DAB1: variants seen among roughly 807,000 people sequenced by gnomAD.
DAB1 encodes the protein disabled homolog 1.
A neutral mutation model predicts 64.6 loss-of-function variants in DAB1; 15 were observed. That is an observed-to-expected ratio of 0.23 (90% CI 0.16 to 0.36). The LOEUF is 0.36. DAB1 is among the 10% of genes least tolerant of loss of function. The probability of loss-of-function intolerance (pLI) is 1.00; values close to 1 mark genes in which losing one functional copy is unlikely to be tolerated. For synonymous variants in DAB1, 235 were observed against 251.9 expected (o/e 0.93, Z 0.64); for missense variants, 596 against 706.7 (o/e 0.84, Z 1.78).
intron 5 of DAB1, among the ~76,000 whole-genome samples, chr1:57,900,112 C>G (rs571092360): frequency 6.6e-6 from 1 of 152,020 alleles, no homozygotes; most frequent in African/African-American, 2.4e-5. Context: ...GCCAAAAGTC[C>G]TGTTTTTCAG....
intron 14 of DAB1, among the ~76,000 whole-genome samples, chr1:56,999,437 C>A (rs868575992): frequency 2.0e-5 from 3 of 152,182 alleles, no homozygotes; most frequent in African/African-American, 7.2e-5. Context: ...CCCAATCTTT[C>A]CATCCATTGG....
At chr1:58,289,985 C>A (rs568355476) in intron 4 of DAB1, among the ~76,000 whole-genome samples, 1 of 152,232 alleles carries the variant, frequency 6.6e-6, no homozygotes, top group Non-Finnish European at 1.5e-5. Flanking sequence ...GGAAAGAGAG[C>A]CCTGGACTTG....
chr1:58,114,854 C>A (rs1349056696), intron 5 of DAB1, among the ~76,000 whole-genome samples: 1 of 152,190 alleles, frequency 6.6e-6, no homozygotes, highest in African/African-American at 2.4e-5. Context: ...TCATGGTTGG[C>A]ATCCACTGTG....
At position 57,854,680 on chromosome 1, in the gene DAB1, C is replaced by T. The variant is rs1653676971; in HGVS notation, n.88-28225G>A. ...GCAAGCTGGTGGTCTGGTTGCTTCT[C>T]AATCTCTAATATGCAGACTAAACTT... On this transcript the variant is annotated intron_variant and non_coding_transcript_variant, in intron 1 of 1. Transcript: ENST00000477280. Among the ~76,000 whole-genome samples the T allele has an allele frequency of 7.2e-5, 11 of 152,172 alleles. 1 individual carries two copies. The South Asian group carries it at 2.3e-3, about 32-fold the overall frequency.
intron 1 of DAB1, among the ~76,000 whole-genome samples, chr1:57,350,401 C>T (rs987532340): frequency 6.6e-6 from 1 of 152,138 alleles, no homozygotes; most frequent in Non-Finnish European, 1.5e-5. Flanking sequence ...ATTGACCACC[C>T]TAGTAGGTTC....
At chr1:56,999,109 T>C (rs919463220) in intron 14 of DAB1, among the ~76,000 whole-genome samples, 5 of 144,982 alleles carry the variant, frequency 3.4e-5, no homozygotes, top group Non-Finnish European at 5.9e-5. Context: ...CCTTGTCATA[T>C]AGGTTCTTAT....
rs538349531 is a variant in DAB1 at position 58,262,250 on chromosome 1, A to T, written n.309+81102T>A. Among the ~76,000 whole-genome samples the T allele has an allele frequency of 5.3e-5, 8 of 152,314 alleles. No homozygotes were observed. In the South Asian group the frequency reaches 1.7e-3, roughly 32 times the overall value. The stretch of plus-strand genomic sequence containing the variant: ...CCAGAGATGTCAGAGGAAAGACCTG[A>T]GAAGAACTGGCTGTGCAAGCCCAAG... On this transcript the variant is annotated intron_variant and non_coding_transcript_variant, in intron 4 of 20. Coordinates refer to the DAB1 transcript ENST00000485760.
chr1:58,261,879 G>A (rs1661056027), intron 4 of DAB1, among the ~76,000 whole-genome samples: 1 of 152,084 alleles, frequency 6.6e-6, no homozygotes, highest in Admixed American at 6.5e-5. Context: ...TTGAAGAAAA[G>A]TTCCATTCCT....
At chr1:58,087,346 A>G (rs1483295469) in intron 5 of DAB1, among the ~76,000 whole-genome samples, 1 of 152,202 alleles carries the variant, frequency 6.6e-6, no homozygotes, top group East Asian at 1.9e-4. Context: ...AAGAAGGAAA[A>G]CTTACCATGA....
chr1:57,651,001 T>C (rs1646249700), intron 6 of DAB1, among the ~76,000 whole-genome samples: 1 of 152,096 alleles, frequency 6.6e-6, no homozygotes, highest in African/African-American at 2.4e-5. Context: ...ACAAAAGAAT[T>C]AATTAATGAA....
intron 6 of DAB1, among the ~76,000 whole-genome samples, chr1:57,749,681 C>T (rs1248099468): frequency 1.3e-5 from 2 of 151,712 alleles, no homozygotes; most frequent in African/African-American, 4.8e-5. Context: ...ATTCTATGTA[C>T]TATGCTATAA....
intron 5 of DAB1, among the ~76,000 whole-genome samples, chr1:58,108,071 A>T (rs1651766730): frequency 6.6e-6 from 1 of 152,232 alleles, no homozygotes; most frequent in Non-Finnish European, 1.5e-5. Context: ...GGAACTCATG[A>T]GTCTGGCTGC....
chr1:58,049,168 C>A, intron 5 of DAB1: 1 of 779,096 alleles, frequency 1.3e-6, no homozygotes, highest in Non-Finnish European at 2.3e-6. Flanking sequence ...ACCACACAGT[C>A]CGTGAGCGTT....
chr1:58,521,091 A>G (rs182009856), intron 2 of DAB1, among the ~76,000 whole-genome samples: 83 of 152,334 alleles, frequency 5.4e-4, no homozygotes, highest in Non-Finnish European at 1.1e-3. Flanking sequence ...GTCATTCAGT[A>G]TATTATCCAA....
intron 3 of DAB1, among the ~76,000 whole-genome samples, chr1:58,475,287 C>T (rs1645407758): frequency 6.6e-6 from 1 of 152,028 alleles, no homozygotes; most frequent in Admixed American, 6.6e-5. Flanking sequence ...TCCCGAGTAA[C>T]TGGAATTACA....
intron 5 of DAB1, among the ~76,000 whole-genome samples, chr1:58,052,984 C>T (rs1465327043): frequency 1.3e-5 from 2 of 152,154 alleles, no homozygotes; most frequent in African/African-American, 2.4e-5. Flanking sequence ...TTGTAGAGGT[C>T]ACATGGTGAA....
At chr1:58,408,784 G>A (rs1644640726) in intron 3 of DAB1, among the ~76,000 whole-genome samples, 1 of 152,220 alleles carries the variant, frequency 6.6e-6, no homozygotes, top group Admixed American at 6.5e-5. Context: ...CCCAAGTGGA[G>A]ACTCAGTTCC....
chr1:58,201,359 A>C (rs1055102201), intron 4 of DAB1, among the ~76,000 whole-genome samples: 1 of 152,158 alleles, frequency 6.6e-6, no homozygotes, highest in African/African-American at 2.4e-5. Flanking sequence ...CCACTTGACA[A>C]GTGCCCTTTC....
At chr1:57,537,634 C>T (rs1644746025) in intron 7 of DAB1, among the ~76,000 whole-genome samples, 2 of 152,242 alleles carry the variant, frequency 1.3e-5, no homozygotes, top group Admixed American at 1.3e-4. Context: ...TACCCCAGTG[C>T]TTATCATATG....
Sources: gnomAD v4.1 joint callset for allele counts (sites outside exome capture counted in the v4.1 genomes callset) on GRCh38, gnomAD v4.1.1 for gene constraint, MANE v1.5 for transcripts, NCBI Gene and HGNC (gene_info 2026-07-23, HGNC 2026-07-21) for gene names.